GPC5: variants seen among roughly 807,000 people sequenced by gnomAD.
GPC5 encodes glypican 5, also known as glypican-5.
Under a neutral mutation model 53.9 loss-of-function variants are expected in GPC5, and 47 were observed. The observed-to-expected ratio is 0.87, with a 90% CI of 0.69 to 1.11. The LOEUF (loss-of-function observed/expected upper bound fraction) is 1.11. Ranked by LOEUF, GPC5 falls within the 50% of genes most tolerant of loss-of-function variation. GPC5 has a pLI of 0.00. For missense variants in GPC5, 748 were observed against 713.1 expected, an observed-to-expected ratio of 1.05 and a Z score of -0.56; for synonymous variants, 286 against 263.3, an observed-to-expected ratio of 1.09 and a Z score of -0.84.
chr13:92,110,050 A>C (rs1306392260), intron 6 of GPC5, among the ~76,000 whole-genome samples: 1 of 152,200 alleles, frequency 6.6e-6, no homozygotes, highest in Non-Finnish European at 1.5e-5. Flanking sequence ...TTTAGGTGGC[A>C]GTATCCATAT....
intron 1 of GPC5, among the ~76,000 whole-genome samples, chr13:91,403,232 C>T (rs867125104): frequency 1.3e-5 from 2 of 152,190 alleles, no homozygotes; most frequent in South Asian, 2.1e-4. Context: ...TCGAAGCCCA[C>T]CAGCCAGGAA....
intron 6 of GPC5, among the ~76,000 whole-genome samples, chr13:92,077,455 G>A (rs1376723975): frequency 6.6e-6 from 1 of 152,170 alleles, no homozygotes; most frequent in Non-Finnish European, 1.5e-5. Flanking sequence ...CCTAACAGGG[G>A]ATGCTTTGGA....
At chr13:91,718,452 T>TC (rs890650715) in intron 3 of GPC5, among the ~76,000 whole-genome samples, 5 of 151,882 alleles carry the variant, frequency 3.3e-5, no homozygotes, top group African/African-American at 4.8e-5. Flanking sequence ...GGCTTTTTTT[T>TC]CCCTTCTCTG....
intron 6 of GPC5, among the ~76,000 whole-genome samples, chr13:92,121,043 T>C (rs2041644870): frequency 6.6e-6 from 1 of 152,230 alleles, no homozygotes; most frequent in Non-Finnish European, 1.5e-5. Flanking sequence ...AACAGGAGGA[T>C]AGAGATGCCC....
intron 7 of GPC5, among the ~76,000 whole-genome samples, chr13:92,802,305 A>G (rs1340994768): frequency 6.6e-6 from 1 of 151,902 alleles, no homozygotes; most frequent in Non-Finnish European, 1.5e-5. Context: ...AAGTATACTC[A>G]TGACGTTCAT....
intron 2 of GPC5, among the ~76,000 whole-genome samples, chr13:91,557,508 A>T (rs2031025412): frequency 6.6e-6 from 1 of 152,104 alleles, no homozygotes; most frequent in Non-Finnish European, 1.5e-5. Context: ...GAGAGGGCTG[A>T]TGTCCAGCCC....
At chr13:92,123,358 T>G (rs2041666720) in intron 6 of GPC5, among the ~76,000 whole-genome samples, 4 of 152,192 alleles carry the variant, frequency 2.6e-5, no homozygotes, top group Non-Finnish European at 5.9e-5. Context: ...GATTGTTATA[T>G]GACATTTATA....
At chr13:92,571,603 A>AAT (rs1883023513) in intron 7 of GPC5, among the ~76,000 whole-genome samples, 1 of 152,166 alleles carries the variant, frequency 6.6e-6, no homozygotes, top group Non-Finnish European at 1.5e-5. Context: ...ATATTACAAA[A>AAT]GTGCCTTTCC....
At chr13:92,185,552 T>TG (rs2042178059) in intron 7 of GPC5, among the ~76,000 whole-genome samples, 1 of 150,282 alleles carries the variant, frequency 6.7e-6, no homozygotes, top group Non-Finnish European at 1.5e-5. Flanking sequence ...AAGAAATGAA[T>TG]TTTTTTTTTC....
intron 6 of GPC5, among the ~76,000 whole-genome samples, chr13:92,091,468 A>C (rs2041379675): frequency 6.6e-6 from 1 of 151,914 alleles, no homozygotes; most frequent in African/African-American, 2.4e-5. Context: ...TATTTATTTA[A>C]AAATATTAAA....
Position 91,652,722 on chromosome 13 carries a change from G to C in GPC5, c.326-40465G>C, listed in dbSNP as rs1269283896. Among the ~76,000 whole-genome samples, 6 of 152,120 alleles carry C rather than the reference G, an allele frequency of 3.9e-5. No individual in the cohort carries two copies. The South Asian group carries it at 1.0e-3, about 26-fold the overall frequency. ...TTTAATTTAGATTCCAGTTGACCGT[G>C]GTAACTGAAACCACAGAACTTGAAA... On this transcript the variant is annotated intron_variant, in intron 2 of 7. Coordinates refer to ENST00000377067, the MANE Select transcript of GPC5 (RefSeq NM_004466.6).
intron 7 of GPC5, among the ~76,000 whole-genome samples, chr13:92,607,782 T>C (rs957210077): frequency 6.6e-6 from 1 of 152,168 alleles, no homozygotes; most frequent in African/African-American, 2.4e-5. Flanking sequence ...GTGACAACAC[T>C]TAAAATGCAC....
At chr13:92,303,337 A>G (rs542394413) in intron 7 of GPC5, among the ~76,000 whole-genome samples, 1 of 152,224 alleles carries the variant, frequency 6.6e-6, no homozygotes, top group Non-Finnish European at 1.5e-5. Flanking sequence ...ATAACCAAAA[A>G]GGTTTAATGT....
intron 7 of GPC5, among the ~76,000 whole-genome samples, chr13:92,353,120 C>T (rs532308420): frequency 4.0e-5 from 6 of 151,228 alleles, no homozygotes; most frequent in Non-Finnish European, 8.9e-5. Context: ...ATTAGCCAGG[C>T]GCGGTGGCGG....
At position 92,385,413 on chromosome 13, in the gene GPC5, TATATATACATATATAC is replaced by T. The variant is rs201016219; in HGVS notation, c.1561+240458_1561+240473del. On this transcript the variant is annotated intron_variant, in intron 7 of 7. Transcript: ENST00000377067. The stretch of plus-strand genomic sequence containing the variant: ...ATACATATATACACATATATACACA[TATATATACATATATAC>T]ATATATACATATATACATATATACA... Among the ~76,000 whole-genome samples, 172 of 71,088 alleles carry T rather than the reference TATATATACATATATAC, an allele frequency of 2.4e-3. 10 individuals are homozygous for T. Among genetic ancestry groups the T allele is most frequent in the South Asian group, 8.3e-3 (19 of 2,298 alleles). 46.6% of individuals were successfully genotyped at this position (71,088 alleles called of 152,430 possible). A position where few individuals can be genotyped will look rare whatever the true frequency, so the allele number is the denominator to read the frequency against.
chr13:92,229,070 A>G (rs2042510490), intron 7 of GPC5, among the ~76,000 whole-genome samples: 1 of 152,168 alleles, frequency 6.6e-6, no homozygotes, highest in Admixed American at 6.5e-5. Flanking sequence ...AGCAGTGAGC[A>G]GTATGTACAT....
At chr13:92,444,451 C>A (rs916831384) in intron 7 of GPC5, among the ~76,000 whole-genome samples, 3 of 152,036 alleles carry the variant, frequency 2.0e-5, no homozygotes, top group Admixed American at 2.0e-4. Context: ...ATTAGATCAG[C>A]CTGCTGGAAT....
chr13:92,657,914 A>AT (rs968727290), intron 7 of GPC5, among the ~76,000 whole-genome samples: 50 of 151,880 alleles, frequency 3.3e-4, no homozygotes, highest in Admixed American at 2.4e-3. Context: ...CTATTTTTCT[A>AT]TTTTTTTGCA....
At chr13:91,639,200 G>GT (rs529851726) in intron 2 of GPC5, among the ~76,000 whole-genome samples, 48 of 152,262 alleles carry the variant, frequency 3.2e-4, no homozygotes, top group African/African-American at 1.0e-3. Context: ...ATTATTATAG[G>GT]TAAACAGATA....
Sources: gnomAD v4.1 joint callset for allele counts (sites outside exome capture counted in the v4.1 genomes callset) on GRCh38, gnomAD v4.1.1 for gene constraint, MANE v1.5 for transcripts, NCBI Gene and HGNC (gene_info 2026-07-23, HGNC 2026-07-21) for gene names.